Variants in ZNF683 observed in about 807,000 individuals in gnomAD.
The protein encoded by ZNF683 is zinc finger protein 683.
Under a neutral mutation model 31.4 loss-of-function variants are expected in ZNF683, and 20 were observed. The observed-to-expected ratio is 0.64, with a 90% CI of 0.45 to 0.93. The LOEUF (loss-of-function observed/expected upper bound fraction) is 0.93. ZNF683 is among the 40% of genes least tolerant of loss of function. The probability of loss-of-function intolerance (pLI) is 0.00; values close to 1 mark genes in which losing one functional copy is unlikely to be tolerated. For synonymous variants in ZNF683, 264 were observed against 267.6 expected (o/e 0.99, Z 0.13); for missense variants, 621 against 637.2 (o/e 0.97, Z 0.27).
rs761489874 is a variant in ZNF683, at chr1:26,367,818, G to GC, written c.115-22dup. The GC allele has an allele frequency of 3.9e-6, 6 of 1,530,140 alleles. No homozygotes were observed. In the Admixed American group the frequency reaches 1.2e-4, roughly 31 times the overall value. 94.8% of individuals were successfully genotyped at this position (1,530,140 alleles called of 1,614,324 possible). A position where few individuals can be genotyped will look rare whatever the true frequency, so the allele number is the denominator to read the frequency against. Reference sequence around the variant, plus strand: ...AAGACCTGGAGGGCAGGGGCAAGGGGCTTGGGGGCTGGTGACTGGGACTCC... The same window carrying GC: ...AAGACCTGGAGGGCAGGGGCAAGGGGCCTTGGGGGCTGGTGACTGGGACTCC... On this transcript the variant is annotated intron_variant, in intron 2 of 5. Transcript: ENST00000349618.
Position 26,367,645 on chromosome 1 carries a change from C to T in ZNF683, c.267G>A (p.Pro89=), listed in dbSNP as rs372541274. 7.4e-6 allele frequency: 12 copies of T among 1,612,092 alleles called. No individual in the cohort carries two copies. The highest frequency in any genetic ancestry group is 4.4e-5 in the South Asian group (4 of 90,894). The change falls in exon 3 of 6, where the codon CCG becomes CCA. Residue 89 remains proline (P), a synonymous_variant. Coordinates refer to ENST00000349618, the MANE Select transcript of ZNF683 (RefSeq NM_001114759.3). The part of the protein sequence containing the change: ...DLDLNLCTPQ[P]APLGTDLQGL... The stretch of plus-strand genomic sequence containing the variant: ...CCTGCAGGTCTGTGCCCAGGGGTGC[C>T]GGCTGTGGGGTGCACAGGTTCAGGT...
chr1:26,374,441 A>G (rs1054224887), upstream of ZNF683: 30 of 1,172,480 alleles, frequency 2.6e-5, no homozygotes, highest in Non-Finnish European at 2.9e-5. Context: ...TGGCTAGGAA[A>G]TGCCCCAGGA....
rs1570251085 is a variant in ZNF683 at position 26,365,071 on chromosome 1, G to T, written c.475C>A (p.Pro159Thr). The T allele has an allele frequency of 2.5e-6, 4 of 1,607,242 alleles. No individual in the cohort carries two copies. The East Asian group carries it at 8.9e-5, about 36-fold the overall frequency. Residue 159 changes from proline (P) to threonine (T), a missense_variant, in exon 4 of 6, where the codon CCA becomes ACA. By Grantham distance (38) the Pro-to-Thr change is conservative. Transcript: ENST00000349618. ...AFSSHNSSSPPPLQNRKSPSP... is the reference protein window; with the variant it reads ...AFSSHNSSSPTPLQNRKSPSP... ...GGGCTCTTTCTGTTCTGCAGCGGTG[G>T]TGGGGAAGAGCTGTTATGAGAGGAG...
At chr1:26,374,348 G>A, upstream of ZNF683, 1 of 1,299,674 alleles carries the variant, frequency 7.7e-7, no homozygotes, top group East Asian at 5.6e-5. Context: ...AGAACACTTT[G>A]CACAACCTCT....
chr1:26,374,373 TA>T, upstream of ZNF683: 1 of 1,287,202 alleles, frequency 7.8e-7, no homozygotes, highest in South Asian at 1.3e-5. Flanking sequence ...TAGAAAAAAA[TA>T]AAAAAGGAAA....
chr1:26,374,328 C>G, upstream of ZNF683: 1 of 1,303,854 alleles, frequency 7.7e-7, no homozygotes, highest in Non-Finnish European at 1.0e-6. Flanking sequence ...ACACTCTGCT[C>G]CCAGCTCTCA....
chr1:26,367,712 G>A lies in ZNF683; in HGVS notation c.200C>T (p.Ala67Val). ...CASWLCPLPL[A>V]PGRSALLACL... ...GGCCAGCAGTGCAGACCTGCCCGGT[G>A]CCAGGGGCAAGGGACACAGCCAGCT... is the stretch of plus-strand genomic sequence containing the variant. The change falls in exon 3 of 6, where the codon GCA becomes GTA. Residue 67 changes from alanine to valine, a missense_variant. By Grantham distance (64) the Ala-to-Val change is moderately conservative. Transcript: ENST00000349618. 6.2e-7 allele frequency: 1 copy of A among 1,612,276 alleles called. No individual in the cohort carries two copies. The highest frequency in any genetic ancestry group is 8.5e-7 in the Non-Finnish European group (1 of 1,179,294).
chr1:26,362,199 CTTGGG>C, intron 5 of ZNF683, 177 bp from the exon 6 acceptor site: 1 of 1,566,846 alleles, frequency 6.4e-7, no homozygotes, highest in Middle Eastern at 1.7e-4. Context: ...ACCAGGCCAA[CTTGGG>C]TTAGTGTCCT....
At chr1:26,363,317 T>C (rs1364510169) in intron 4 of ZNF683, among the ~76,000 whole-genome samples, 163 bp from the exon 5 acceptor site, 1 of 152,218 alleles carries the variant, frequency 6.6e-6, no homozygotes, top group Admixed American at 6.5e-5. Flanking sequence ...GTAGGGGAGA[T>C]GGCAGTGGTC....
intron 3 of ZNF683, among the ~76,000 whole-genome samples, chr1:26,367,110 C>T (rs2074542429): frequency 6.6e-6 from 1 of 151,906 alleles, no homozygotes; most frequent in East Asian, 2.0e-4. Flanking sequence ...ACTAAAAATA[C>T]AAAAATTAGC....
Position 26,364,734 on chromosome 1 carries a change from G to A in ZNF683, c.812C>T (p.Ala271Val). ...GGCAGCTCCAGCACCTGGATTTCGG[G>A]CCTGGGAAGGCAGAGCTTGGCCAGA... The part of the protein sequence containing the change: ...QASGQALPSQ[A>V]RNPGAGAAPT... The change falls in exon 4 of 6, where the codon GCC becomes GTC. Residue 271 changes from alanine (A) to valine (V), a missense_variant. By Grantham distance (64) the Ala-to-Val change is moderately conservative. Transcript: ENST00000349618. 1 of 1,613,874 alleles carries A rather than the reference G, an allele frequency of 6.2e-7. No individual in the cohort carries two copies.
chr1:26,362,967 A>G, intron 5 of ZNF683, 59 bp downstream of exon 5: 2 of 1,535,554 alleles, frequency 1.3e-6, no homozygotes, highest in Non-Finnish European at 1.8e-6. Flanking sequence ...CAGCCCTCCA[A>G]GGGCCTAAAA....
intron 1 of ZNF683, among the ~76,000 whole-genome samples, chr1:26,371,842 G>A (rs1006177533): frequency 5.9e-5 from 9 of 151,618 alleles, no homozygotes; most frequent in Non-Finnish European, 1.0e-4. Flanking sequence ...TGAGGTGGGA[G>A]GATCACTTGA....
chr1:26,364,964 A>G lies in ZNF683; in HGVS notation c.582T>C (p.Pro194=). The G allele has an allele frequency of 8.9e-6, 14 of 1,567,364 alleles. No individual in the cohort carries two copies. The highest frequency in any genetic ancestry group is 1.2e-5 in the Non-Finnish European group (14 of 1,159,788). Residue 194 remains proline (P), a synonymous_variant, in exon 4 of 6, where the codon CCT becomes CCC. Transcript: ENST00000349618. The part of the protein sequence containing the change: ...ELPFLLHAFY[P]GYPLLLPPPH... ...GTGGAGGCAGGAGAAGTGGGTATCCAGGGTAGAAGGCGTGGAGGAGAAATG... is the reference window on the plus strand; with the variant it reads ...GTGGAGGCAGGAGAAGTGGGTATCCGGGGTAGAAGGCGTGGAGGAGAAATG...
At chr1:26,366,016 A>G (rs2074512726) in intron 3 of ZNF683, among the ~76,000 whole-genome samples, 1 of 152,112 alleles carries the variant, frequency 6.6e-6, no homozygotes, top group African/African-American at 2.4e-5. Flanking sequence ...CCCCGTCTCT[A>G]CTAAAAAGGC....
At chr1:26,362,046 C>T in intron 5 of ZNF683, 24 bp from the exon 6 acceptor site, 2 of 1,613,984 alleles carry the variant, frequency 1.2e-6, no homozygotes, top group Non-Finnish European at 1.7e-6. Context: ...GCACTGGCAT[C>T]AGCTTTGTCC....
chr1:26,367,772 G>A lies in ZNF683; in HGVS notation c.140C>T (p.Pro47Leu). The change falls in exon 3 of 6, where the codon CCA (proline) becomes CTA (leucine). Residue 47 changes from proline (P) to leucine (L), a missense_variant. Coordinates refer to ENST00000349618, the MANE Select transcript of ZNF683 (RefSeq NM_001114759.3). ...TGGGCCATGAGCATCCACCATGTCT[G>A]GAAGTGGTCTGCAGGCTGAGAAGAC... ...DQVFSACRPL[P>L]DMVDAHGPSC... 3 of 1,601,472 alleles carry A rather than the reference G, an allele frequency of 1.9e-6. No homozygotes were observed. Among genetic ancestry groups the A allele is most frequent in the East Asian group, 2.2e-5 (1 of 44,450 alleles).
rs764119668 is a variant in ZNF683, at chr1:26,367,768, G to C, written c.144C>G (p.Asp48Glu). 6.2e-7 allele frequency: 1 copy of C among 1,603,902 alleles called. No individual in the cohort carries two copies. Among genetic ancestry groups the C allele is most frequent in the Non-Finnish European group, 8.5e-7 (1 of 1,173,948 alleles). ...AGGATGGGCCATGAGCATCCACCAT[G>C]TCTGGAAGTGGTCTGCAGGCTGAGA... ...QVFSACRPLP[D>E]MVDAHGPSCA... Residue 48 changes from aspartate (D) to glutamate (E), a missense_variant, in exon 3 of 6, where the codon GAC (aspartate) becomes GAG (glutamate). Coordinates refer to ENST00000349618, the MANE Select transcript of ZNF683 (RefSeq NM_001114759.3).
At chr1:26,374,305 C>G, upstream of ZNF683, 1 of 1,304,116 alleles carries the variant, frequency 7.7e-7, no homozygotes, top group Non-Finnish European at 1.0e-6. Context: ...CAGCTGTGCT[C>G]CCTCCTGGCA....
Sources: allele counts gnomAD v4.1 joint callset (sites outside exome capture counted in the v4.1 genomes callset), GRCh38; gene constraint gnomAD v4.1.1; transcripts MANE v1.5; gene names NCBI Gene and HGNC (gene_info 2026-07-23, HGNC 2026-07-21).